MAF: variants seen among roughly 807,000 people sequenced by gnomAD.
MAF encodes the protein transcription factor Maf.
MAF carries 10 observed loss-of-function variants against 22.0 expected under a neutral mutation model. The ratio of observed to expected loss-of-function variants is 0.45; its 90% CI spans 0.28 to 0.77. MAF has a LOEUF of 0.77. Ranked by LOEUF, MAF falls within the 30% of genes least tolerant of loss-of-function variation. The pLI is 0.12. For synonymous variants in MAF, 337 were observed against 255.8 expected (o/e 1.32, Z -3.03); for missense variants, 544 against 548.4 (o/e 0.99, Z 0.08).
chr16:79,280,150 A>G, the MAF span, among the ~76,000 whole-genome samples: 12 of 152,240 alleles, frequency 7.9e-5, 1 homozygote, highest in Non-Finnish European at 1.2e-4. Context: ...AAGGGAAAAA[A>G]TTACATTTAG....
chr16:79,277,399 C>T, the MAF span, among the ~76,000 whole-genome samples: 1 of 152,200 alleles, frequency 6.6e-6, no homozygotes, highest in East Asian at 1.9e-4. Context: ...CTGTAGCAGG[C>T]ACTTTGCAAT....
the MAF span, among the ~76,000 whole-genome samples, chr16:79,393,142 T>G: frequency 6.6e-6 from 1 of 152,206 alleles, no homozygotes; most frequent in Non-Finnish European, 1.5e-5. Flanking sequence ...CAGCACTTAT[T>G]TCCTTTACAT....
chr16:79,401,712 G>C, the MAF span, among the ~76,000 whole-genome samples: 43 of 152,250 alleles, frequency 2.8e-4, no homozygotes, highest in African/African-American at 9.6e-4. Flanking sequence ...GGGCCGTGTG[G>C]TACGCAGAAT....
the MAF span, among the ~76,000 whole-genome samples, chr16:79,535,586 C>CTTTTTTTTTTTTTTTTT: frequency 7.7e-6 from 1 of 130,590 alleles, no homozygotes; most frequent in Non-Finnish European, 1.6e-5. Flanking sequence ...ATTGCTTCTT[C>CTTTTTTTTTTTTTTTTT]TTTTTTTTTT....
chr16:79,316,444 C>T, the MAF span, among the ~76,000 whole-genome samples: 1 of 152,310 alleles, frequency 6.6e-6, no homozygotes, highest in African/African-American at 2.4e-5. Context: ...TGCTCTAGCG[C>T]CAACATTTGC....
At chr16:79,556,178 G>T in the MAF span, among the ~76,000 whole-genome samples, 1 of 152,196 alleles carries the variant, frequency 6.6e-6, no homozygotes, top group Non-Finnish European at 1.5e-5. Flanking sequence ...ATTACAAGCA[G>T]ATGTCAGCAT....
the MAF span, among the ~76,000 whole-genome samples, chr16:79,263,115 C>T: frequency 6.6e-6 from 1 of 152,192 alleles, no homozygotes; most frequent in Middle Eastern, 3.2e-3. Flanking sequence ...TTACCGCTTG[C>T]CAGGAACTGG....
the MAF span, among the ~76,000 whole-genome samples, chr16:79,416,167 C>T: frequency 6.6e-6 from 1 of 152,120 alleles, no homozygotes; most frequent in Non-Finnish European, 1.5e-5. Context: ...GGCGATTGCT[C>T]ACTGCTAATA....
the MAF span, among the ~76,000 whole-genome samples, chr16:79,406,669 G>C: frequency 1.3e-5 from 2 of 152,138 alleles, no homozygotes; most frequent in African/African-American, 4.8e-5. Context: ...TGGATTTGTG[G>C]GGAGTGGGGC....
chr16:79,599,898 G>A lies in MAF; in HGVS notation c.5C>T (p.Ala2Val), dbSNP rs766735177. Residue 2 changes from alanine to valine, a missense_variant, in exon 1 of 2, where the codon GCA (alanine) becomes GTA (valine). Physicochemically the swap from Ala to Val is moderately conservative, Grantham distance 64 (BLOSUM62 0). Transcript: ENST00000326043. M[A>V]SELAMSNSDL... ...GGAGTTGCTCATTGCCAGTTCTGATGCCATTCTCCTGCCGCCGCCGCCGCC... is the reference window on the plus strand; with the variant it reads ...GGAGTTGCTCATTGCCAGTTCTGATACCATTCTCCTGCCGCCGCCGCCGCC... 4 of 1,573,936 alleles carry A rather than the reference G, an allele frequency of 2.5e-6. No individual in the cohort carries two copies. The highest frequency in any genetic ancestry group is 3.5e-5 in the Admixed American group (2 of 56,594).
chr16:79,594,997 T>C (rs1307420196), intron 1 of MAF: 2 of 1,072,232 alleles, frequency 1.9e-6, no homozygotes, highest in Non-Finnish European at 2.3e-6. Context: ...CTGCAATAAC[T>C]ACATCCAGAA....
the MAF span, among the ~76,000 whole-genome samples, chr16:79,413,210 G>GTTGTTTTTTTT: frequency 9.4e-5 from 6 of 63,642 alleles, 1 homozygote; most frequent in Admixed American, 2.4e-4. Flanking sequence ...GAGCTGTGCA[G>GTTGTTTTTTTT]TTTTTTTTTT....
the MAF span, among the ~76,000 whole-genome samples, chr16:79,336,653 T>A: frequency 6.6e-6 from 1 of 152,080 alleles, no homozygotes; most frequent in African/African-American, 2.4e-5. Context: ...GAAGGTTAAA[T>A]AATTGGCCCA....
At chr16:79,531,204 G>C in the MAF span, among the ~76,000 whole-genome samples, 1 of 152,158 alleles carries the variant, frequency 6.6e-6, no homozygotes, top group Non-Finnish European at 1.5e-5. Context: ...AAGGGGTAAA[G>C]TCCAGGTCTT....
chr16:79,447,905 A>AAAGAAAAAG, the MAF span, among the ~76,000 whole-genome samples: 1 of 85,808 alleles, frequency 1.2e-5, no homozygotes, highest in Non-Finnish European at 2.1e-5. Context: ...AAAAAAAAAA[A>AAAGAAAAAG]AAAAGAAAAG....
At chr16:79,313,407 G>C in the MAF span, among the ~76,000 whole-genome samples, 1 of 152,080 alleles carries the variant, frequency 6.6e-6, no homozygotes, top group African/African-American at 2.4e-5. Context: ...ACAGTAAAAG[G>C]CCAGTCATGA....
chr16:79,592,909 A>C (rs441333), downstream of MAF, among the ~76,000 whole-genome samples: 1 of 152,046 alleles, frequency 6.6e-6, no homozygotes, highest in Non-Finnish European at 1.5e-5. Context: ...TGAAGCTGGT[A>C]AATCTCACTT....
chr16:79,252,828 C>T, the MAF span, among the ~76,000 whole-genome samples: 1 of 152,066 alleles, frequency 6.6e-6, no homozygotes, highest in Non-Finnish European at 1.5e-5. Flanking sequence ...ACTATCTGCA[C>T]ATTTGAGGGA....
At chr16:79,239,598 C>T in the MAF span, among the ~76,000 whole-genome samples, 1 of 152,046 alleles carries the variant, frequency 6.6e-6, no homozygotes. Flanking sequence ...GACCATTTTG[C>T]CTACCTAGTC....
Sources: gnomAD v4.1 joint callset for allele counts (sites outside exome capture counted in the v4.1 genomes callset) on GRCh38, gnomAD v4.1.1 for gene constraint, MANE v1.5 for transcripts, NCBI Gene and HGNC (gene_info 2026-07-23, HGNC 2026-07-21) for gene names.